Variants in SNX10 observed in about 807,000 individuals in gnomAD.
The protein encoded by SNX10 is sorting nexin-10.
In SNX10, 25 loss-of-function variants were observed where a neutral mutation model predicts 28.5. The ratio of observed to expected loss-of-function variants is 0.88; its 90% CI spans 0.64 to 1.22. The LOEUF (loss-of-function observed/expected upper bound fraction) is 1.22. Among genes scored for constraint, SNX10 ranks in the 50% most tolerant of loss-of-function variants. The pLI is 0.00. For missense variants in SNX10, 223 were observed against 242.6 expected, an observed-to-expected ratio of 0.92 and a Z score of 0.54; for synonymous variants, 62 against 81.4, an observed-to-expected ratio of 0.76 and a Z score of 1.28.
At chr7:26,338,400 G>A (rs956455948) in intron 1 of SNX10, among the ~76,000 whole-genome samples, 4 of 152,050 alleles carry the variant, frequency 2.6e-5, no homozygotes, top group African/African-American at 4.8e-5. Context: ...AGTAATTTAC[G>A]CAGACCCCGC....
rs149617040 is a variant in SNX10 at position 26,351,267 on chromosome 7, C to T, written c.24+4801C>T. Among the ~76,000 whole-genome samples, 10 of 152,322 alleles carry T rather than the reference C, an allele frequency of 6.6e-5. No individual in the cohort carries two copies. In the East Asian group the frequency reaches 1.7e-3, roughly 26 times the overall value. On this transcript the variant is annotated intron_variant, in intron 2 of 6. Coordinates refer to ENST00000338523, the MANE Select transcript of SNX10 (RefSeq NM_013322.3). Reference sequence around the variant, plus strand: ...AAGAAATGAACAAAGAATAACTTTACAGTGGAGAAATCTGACAAACACTTC... The same window carrying T: ...AAGAAATGAACAAAGAATAACTTTATAGTGGAGAAATCTGACAAACACTTC...
chr7:26,333,593 G>T (rs932348192), intron 1 of SNX10, among the ~76,000 whole-genome samples: 13 of 152,092 alleles, frequency 8.5e-5, no homozygotes, highest in Non-Finnish European at 1.5e-4. Context: ...CAAAGTGCTG[G>T]GATTACAGGC....
intron 2 of SNX10, among the ~76,000 whole-genome samples, chr7:26,350,219 G>C (rs1162254818): frequency 1.3e-5 from 2 of 152,164 alleles, no homozygotes; most frequent in Non-Finnish European, 2.9e-5. Context: ...GGCAACTCCA[G>C]TTATTGACAC....
chr7:26,344,065 C>T (rs866788205), intron 1 of SNX10, among the ~76,000 whole-genome samples: 2 of 152,088 alleles, frequency 1.3e-5, no homozygotes, highest in South Asian at 2.1e-4. Flanking sequence ...TGCCGTTGAT[C>T]TCCTGAACTC....
intron 1 of SNX10, among the ~76,000 whole-genome samples, chr7:26,318,591 C>G (rs1283037389): frequency 6.6e-6 from 1 of 152,084 alleles, no homozygotes; most frequent in Non-Finnish European, 1.5e-5. Flanking sequence ...TCTTAGCCTC[C>G]CGGGTAGCTG....
chr7:26,344,960 G>A (rs1289465228), intron 1 of SNX10, among the ~76,000 whole-genome samples: 4 of 152,092 alleles, frequency 2.6e-5, no homozygotes, highest in Admixed American at 2.0e-4. Context: ...CAGAATCCCC[G>A]CCTTGCTTCT....
At position 26,340,913 on chromosome 7, in the gene SNX10, A is replaced by G. The variant is rs114858023; in HGVS notation, c.-23-5507A>G. Reference sequence around the variant, plus strand: ...TGAGTAGTTAGGAATACAGGTGTGCACCACCATCCCTGGCTGATTTTTTGT... The same window carrying G: ...TGAGTAGTTAGGAATACAGGTGTGCGCCACCATCCCTGGCTGATTTTTTGT... On this transcript the variant is annotated intron_variant, in intron 1 of 6. Transcript: ENST00000338523. Among the ~76,000 whole-genome samples, 1,264 of 152,264 alleles carry G rather than the reference A, an allele frequency of 8.3e-3. 18 individuals are homozygous for G. Among genetic ancestry groups the G allele is most frequent in the African/African-American group, 0.029 (1,196 of 41,538 alleles).
At chr7:26,344,235 A>G (rs1044753777) in intron 1 of SNX10, among the ~76,000 whole-genome samples, 3 of 147,650 alleles carry the variant, frequency 2.0e-5, no homozygotes, top group Non-Finnish European at 1.5e-5. Context: ...GCAGTAGCAC[A>G]GTCTCAGCTC....
intron 1 of SNX10, among the ~76,000 whole-genome samples, chr7:26,318,986 G>C (rs1787205508): frequency 6.6e-6 from 1 of 152,156 alleles, no homozygotes; most frequent in African/African-American, 2.4e-5. Context: ...TTGGGGATTT[G>C]AACCGAGATA....
intron 1 of SNX10, among the ~76,000 whole-genome samples, chr7:26,331,197 A>G (rs1030646974): frequency 6.6e-6 from 1 of 151,920 alleles, no homozygotes; most frequent in Non-Finnish European, 1.5e-5. Flanking sequence ...ATGTATTAAC[A>G]TAAAGAAATG....
intron 2 of SNX10, among the ~76,000 whole-genome samples, chr7:26,358,805 G>GTTGTTTTTTTTTTTTTTTT (rs1788937183): frequency 1.0e-5 from 1 of 100,112 alleles, no homozygotes; most frequent in African/African-American, 4.4e-5. Flanking sequence ...GTTATCTTGT[G>GTTGTTTTTTTTTTTTTTTT]TTTTTTTTTT....
At chr7:26,324,311 A>G (rs1356490554) in intron 1 of SNX10, among the ~76,000 whole-genome samples, 1 of 152,200 alleles carries the variant, frequency 6.6e-6, no homozygotes, top group Non-Finnish European at 1.5e-5. Flanking sequence ...ATGATTGTTC[A>G]TTGTGGTGGT....
chr7:26,372,225 C>T, intron 6 of SNX10, 192 bp downstream of exon 6: 3 of 595,404 alleles, frequency 5.0e-6, no homozygotes, highest in South Asian at 2.1e-5. Context: ...CACACCTCCA[C>T]ACTGAATTAA....
intron 2 of SNX10, among the ~76,000 whole-genome samples, chr7:26,348,228 A>G (rs1220821045): frequency 1.3e-5 from 2 of 152,136 alleles, no homozygotes; most frequent in African/African-American, 4.8e-5. Flanking sequence ...TATACCAGGC[A>G]TGCTTTTTTC....
chr7:26,309,816 C>A (rs559190532), intron 1 of SNX10, among the ~76,000 whole-genome samples: 1 of 152,238 alleles, frequency 6.6e-6, no homozygotes, highest in African/African-American at 2.4e-5. Flanking sequence ...GGGCCGCGAT[C>A]CTGGCTTCTT....
intron 1 of SNX10, among the ~76,000 whole-genome samples, chr7:26,324,294 T>A (rs1437520423): frequency 6.6e-6 from 1 of 152,188 alleles, no homozygotes; most frequent in Non-Finnish European, 1.5e-5. Flanking sequence ...GAAGTAAAAT[T>A]GTGATAATGA....
At chr7:26,315,668 CA>C (rs879370132) in intron 1 of SNX10, among the ~76,000 whole-genome samples, 85 of 129,804 alleles carry the variant, frequency 6.5e-4, no homozygotes, top group African/African-American at 8.8e-4. Flanking sequence ...GACTCCATCT[CA>C]AAAAAAAAAA....
chr7:26,332,118 A>G (rs1425049331), intron 1 of SNX10, among the ~76,000 whole-genome samples: 1 of 152,216 alleles, frequency 6.6e-6, no homozygotes, highest in African/African-American at 2.4e-5. Context: ...TGAATTGCCA[A>G]GTCAAATGGT....
rs886358087 is a variant in SNX10, at chr7:26,364,473, T to C, written c.112-62T>C. 37 of 1,537,814 alleles carry C rather than the reference T, an allele frequency of 2.4e-5. 1 individual carries two copies. The South Asian group carries it at 4.4e-4, about 18-fold the overall frequency. On this transcript the variant is annotated intron_variant, in intron 3 of 6. Coordinates refer to ENST00000338523, the MANE Select transcript of SNX10 (RefSeq NM_013322.3). This position sits in a 1 kb window ranked among gnomAD's most constrained non-coding sequence, Gnocchi z 4.9. ...AATGTTGAGATCATATTGTGAATTA[T>C]AGATACAAGAAATGCATTTTTTTCC... is the stretch of plus-strand genomic sequence containing the variant.
Sources: allele counts gnomAD v4.1 joint callset (sites outside exome capture counted in the v4.1 genomes callset), GRCh38; gene constraint gnomAD v4.1.1; non-coding constraint Gnocchi (gnomAD v3.1); transcripts MANE v1.5; gene names NCBI Gene and HGNC (gene_info 2026-07-23, HGNC 2026-07-21).